GPC3: variants seen among roughly 807,000 people sequenced by gnomAD.
GPC3 encodes glypican-3.
In GPC3, 3 loss-of-function variants were observed where a neutral mutation model predicts 34.4. That is an observed-to-expected ratio of 0.09 (90% confidence interval 0.04 to 0.23). The LOEUF is 0.23. GPC3 is among the 10% of genes least tolerant of loss of function. GPC3 has a pLI of 1.00. For missense variants in GPC3, 351 were observed against 445.6 expected (o/e 0.79, Z 1.91); for synonymous variants, 177 against 174.0 (o/e 1.02, Z -0.13).
chrX:133,621,380 G>T (rs1403261023), intron 6 of GPC3, among the ~76,000 whole-genome samples: 2 of 111,979 alleles, frequency 1.8e-5, no homozygotes, highest in Non-Finnish European at 1.9e-5. Context: ...AGTGCAAGGG[G>T]TTGGGGAATT....
At chrX:133,878,787 G>A (rs1355971542) in intron 2 of GPC3, among the ~76,000 whole-genome samples, 1 of 111,599 alleles carries the variant, frequency 9.0e-6, no homozygotes, top group Admixed American at 9.6e-5. Flanking sequence ...GTTGTCTTGG[G>A]AGTCAAATAA....
intron 2 of GPC3, among the ~76,000 whole-genome samples, chrX:133,867,470 C>T (rs1436852320): frequency 9.1e-6 from 1 of 110,205 alleles, no homozygotes; most frequent in Non-Finnish European, 1.9e-5. Context: ...TCCAATGGGG[C>T]CTATGGAATC....
chrX:133,985,370 G>C lies in GPC3; in HGVS notation c.80C>G (p.Pro27Arg). 1.7e-6 allele frequency: 2 copies of C among 1,201,109 alleles called. No individual in the cohort carries two copies. The highest frequency in any genetic ancestry group is 3.6e-5 in the South Asian group (2 of 55,408). ...ACAGGTGGCGTCCGGCGGCGGCGGC[G>C]GGGGCTGCGCCTGTCCCGGGAAGTC... ...SLDFPGQAQP[P>R]PPPPDATCHQ... Residue 27 changes from proline (P) to arginine (R), a missense_variant, in exon 1 of 8, where the codon CCG (proline) becomes CGG (arginine). Physicochemically the swap from Pro to Arg is moderately radical, Grantham distance 103 (BLOSUM62 -2). Coordinates refer to ENST00000370818, the MANE Select transcript of GPC3 (RefSeq NM_004484.4).
chrX:133,954,540 T>A (rs1305323552), intron 1 of GPC3, among the ~76,000 whole-genome samples: 1 of 108,731 alleles, frequency 9.2e-6, no homozygotes. Flanking sequence ...AATGTGATGA[T>A]TGTGGAGACT....
chrX:133,791,241 G>A (rs145473766), intron 2 of GPC3, among the ~76,000 whole-genome samples: 140 of 111,492 alleles, frequency 1.3e-3, no homozygotes, highest in African/African-American at 4.5e-3. Flanking sequence ...GTGACCTAAT[G>A]CTGCAGCTTC....
chrX:133,621,508 C>A (rs923248803), intron 6 of GPC3, among the ~76,000 whole-genome samples: 14 of 112,191 alleles, frequency 1.2e-4, no homozygotes, highest in South Asian at 7.4e-4. Context: ...GATTATATCC[C>A]GCGCCTGGCT....
At chrX:133,643,488 T>TA (rs1278288655) in intron 6 of GPC3, among the ~76,000 whole-genome samples, 1 of 111,998 alleles carries the variant, frequency 8.9e-6, no homozygotes, top group African/African-American at 3.2e-5. Flanking sequence ...TTTTCTGATT[T>TA]AAAAAAATAA....
At chrX:133,668,500 T>C in intron 5 of GPC3, among the ~76,000 whole-genome samples, 1 of 110,402 alleles carries the variant, frequency 9.1e-6, no homozygotes, top group Non-Finnish European at 1.9e-5. Context: ...GTATATTCCA[T>C]TTGCCACCCC....
At chrX:133,733,107 G>A (rs1191262614) in intron 3 of GPC3, among the ~76,000 whole-genome samples, 2 of 111,008 alleles carry the variant, frequency 1.8e-5, no homozygotes, top group Non-Finnish European at 3.8e-5. Context: ...CTCAGCCATT[G>A]AAAGGAACGA....
intron 2 of GPC3, among the ~76,000 whole-genome samples, chrX:133,804,929 C>A (rs1001582958): frequency 1.8e-5 from 2 of 111,689 alleles, no homozygotes; most frequent in Non-Finnish European, 3.8e-5. Flanking sequence ...TATATTATAT[C>A]TGTGCAGAGA....
At chrX:133,940,237 T>C (rs1823149975) in intron 2 of GPC3, among the ~76,000 whole-genome samples, 1 of 111,745 alleles carries the variant, frequency 8.9e-6, no homozygotes, top group South Asian at 3.8e-4. Context: ...ATTCTTGGGG[T>C]GTTTTGTTTA....
At chrX:133,873,583 G>C (rs1196878440) in intron 2 of GPC3, among the ~76,000 whole-genome samples, 2 of 111,327 alleles carry the variant, frequency 1.8e-5, no homozygotes, top group East Asian at 5.7e-4. Context: ...TATCTTCTTG[G>C]GGGTGGAAAT....
chrX:133,934,482 A>AC (rs1025101747), intron 2 of GPC3, among the ~76,000 whole-genome samples: 14 of 109,888 alleles, frequency 1.3e-4, no homozygotes, highest in African/African-American at 4.6e-4. Flanking sequence ...GGTGTGAGCC[A>AC]CCAAGACCAG....
intron 1 of GPC3, among the ~76,000 whole-genome samples, chrX:133,981,852 C>T (rs1157874359): frequency 8.9e-6 from 1 of 112,432 alleles, no homozygotes; most frequent in Non-Finnish European, 1.9e-5. Context: ...CTGTTCAAGA[C>T]TGCCTTTTAC....
intron 5 of GPC3, among the ~76,000 whole-genome samples, chrX:133,663,711 A>T (rs1044300244): frequency 1.8e-5 from 2 of 111,768 alleles, no homozygotes; most frequent in African/African-American, 6.5e-5. Context: ...CTGGGTTCCC[A>T]AACCAGCCTA....
At chrX:133,891,185 G>A (rs2076085286) in intron 2 of GPC3, among the ~76,000 whole-genome samples, 1 of 111,608 alleles carries the variant, frequency 9.0e-6, no homozygotes, top group African/African-American at 3.3e-5. Context: ...AGACACAAAA[G>A]GCCCCCATAT....
At chrX:133,943,084 T>C (rs1041490767) in intron 2 of GPC3, among the ~76,000 whole-genome samples, 5 of 111,935 alleles carry the variant, frequency 4.5e-5, no homozygotes, top group African/African-American at 1.6e-4. Flanking sequence ...TAAACAGATA[T>C]AAGAAAGAAT....
At chrX:133,549,890 T>G (rs1339308874) in intron 7 of GPC3, among the ~76,000 whole-genome samples, 1 of 96,735 alleles carries the variant, frequency 1.0e-5, no homozygotes, top group African/African-American at 3.8e-5. Flanking sequence ...CCCTCCCTCC[T>G]TCTCTCTTTC....
chrX:133,859,293 A>G (rs2124565764), intron 2 of GPC3, among the ~76,000 whole-genome samples: 1 of 110,474 alleles, frequency 9.1e-6, no homozygotes, highest in African/African-American at 3.3e-5. Context: ...TTTCCCAACC[A>G]TACAGGGGTG....
Sources: allele counts gnomAD v4.1 joint callset (sites outside exome capture counted in the v4.1 genomes callset), GRCh38; gene constraint gnomAD v4.1.1; transcripts MANE v1.5; gene names NCBI Gene and HGNC (gene_info 2026-07-23, HGNC 2026-07-21).